Variants in PHKB observed in about 807,000 individuals in gnomAD.
PHKB encodes the protein phosphorylase b kinase regulatory subunit beta.
Under a neutral mutation model 152.1 loss-of-function variants are expected in PHKB, and 122 were observed. The observed-to-expected ratio is 0.80, with a 90% CI of 0.69 to 0.93. PHKB has a LOEUF of 0.93. Ranked by LOEUF, PHKB falls within the 40% of genes least tolerant of loss-of-function variation. The pLI, the probability that PHKB is intolerant of heterozygous loss-of-function variation, is 0.00. For missense variants in PHKB, 1,304 were observed against 1,328.4 expected (o/e 0.98, Z 0.29); for synonymous variants, 436 against 464.9 (o/e 0.94, Z 0.80).
intron 2 of PHKB, 62 bp from the exon 3 acceptor site, chr16:47,499,676 AACCAAAGAAGATTAAAAC>A (rs1970290797): frequency 6.5e-7 from 1 of 1,549,880 alleles, no homozygotes; most frequent in Admixed American, 1.7e-5. Context: ...GGGATGAGGA[AACCAAAGAAGATTAAAAC>A]ATTTAGCCCA....
intron 12 of PHKB, 97 bp downstream of exon 12, chr16:47,594,311 A>G: frequency 2.8e-6 from 2 of 704,854 alleles, no homozygotes; most frequent in Non-Finnish European, 5.1e-6. Context: ...AATAATTTGT[A>G]TTAAATTGAA....
chr16:47,552,341 G>A (rs1358000610), intron 7 of PHKB, among the ~76,000 whole-genome samples: 3 of 152,204 alleles, frequency 2.0e-5, no homozygotes, highest in Admixed American at 6.5e-5. Flanking sequence ...TGTTTTTGCA[G>A]TGGCTGGTAT....
At chr16:47,597,233 T>C (rs1469489650) in intron 13 of PHKB, among the ~76,000 whole-genome samples, 1 of 152,200 alleles carries the variant, frequency 6.6e-6, no homozygotes, top group Non-Finnish European at 1.5e-5. Context: ...CTGTAAATAC[T>C]GTACCTGCAC....
chr16:47,554,477 C>G (rs1971330897), intron 7 of PHKB, among the ~76,000 whole-genome samples: 1 of 152,182 alleles, frequency 6.6e-6, no homozygotes, highest in Admixed American at 6.5e-5. Context: ...ATCTGCTGAG[C>G]TAGACCACTT....
At chr16:47,698,267 C>T (rs534842888) in intron 29 of PHKB, among the ~76,000 whole-genome samples, 181 bp from the exon 30 acceptor site, 6 of 152,124 alleles carry the variant, frequency 3.9e-5, no homozygotes, top group Admixed American at 6.5e-5. Flanking sequence ...AAAAAAGGTG[C>T]ACTTTCCAAA....
intron 8 of PHKB, among the ~76,000 whole-genome samples, chr16:47,585,243 C>T (rs996817790): frequency 6.6e-6 from 1 of 152,068 alleles, no homozygotes; most frequent in African/African-American, 2.4e-5. Flanking sequence ...ATAAAATATC[C>T]AAAGTTAATC....
intron 13 of PHKB, among the ~76,000 whole-genome samples, chr16:47,603,125 G>A (rs1240501214): frequency 1.3e-5 from 2 of 152,116 alleles, no homozygotes; most frequent in Non-Finnish European, 2.9e-5. Flanking sequence ...CATTCATCAA[G>A]TGTCCCCTAG....
chr16:47,516,559 A>G (rs945844015), intron 6 of PHKB, among the ~76,000 whole-genome samples: 1 of 152,168 alleles, frequency 6.6e-6, no homozygotes, highest in African/African-American at 2.4e-5. Context: ...GATGTACTAT[A>G]TATGTTTGTT....
intron 23 of PHKB, 31 bp downstream of exon 23, chr16:47,661,831 A>AG: frequency 7.4e-7 from 1 of 1,350,344 alleles, no homozygotes; most frequent in Non-Finnish European, 1.1e-6. Flanking sequence ...GAACATTTTA[A>AG]GAGGACCTCT....
At chr16:47,608,796 G>T (rs1008012329) in intron 13 of PHKB, among the ~76,000 whole-genome samples, 1 of 152,148 alleles carries the variant, frequency 6.6e-6, no homozygotes, top group Non-Finnish European at 1.5e-5. Context: ...TTTATTTTTG[G>T]ACTCTGTATT....
chr16:47,654,246 A>G (rs908358949), intron 20 of PHKB, among the ~76,000 whole-genome samples: 1 of 152,240 alleles, frequency 6.6e-6, no homozygotes, highest in African/African-American at 2.4e-5. Context: ...TCAAAACCAC[A>G]AAGAGATACC....
intron 1 of PHKB, among the ~76,000 whole-genome samples, chr16:47,469,734 A>G (rs1969730957): frequency 6.6e-6 from 1 of 152,204 alleles, no homozygotes; most frequent in Admixed American, 6.5e-5. Context: ...ACAAACTTGC[A>G]CGTGTACCCC....
chr16:47,541,518 G>A (rs1469074398), intron 6 of PHKB, among the ~76,000 whole-genome samples: 2 of 152,160 alleles, frequency 1.3e-5, no homozygotes, highest in African/African-American at 4.8e-5. Flanking sequence ...ACCCAGTAAT[G>A]GGATGGCTGG....
intron 16 of PHKB, among the ~76,000 whole-genome samples, chr16:47,647,360 G>A (rs1429078145): frequency 1.3e-5 from 2 of 152,138 alleles, no homozygotes; most frequent in African/African-American, 4.8e-5. Context: ...CTGATCTCAG[G>A]TGATCCACCC....
intron 7 of PHKB, among the ~76,000 whole-genome samples, chr16:47,560,782 C>T (rs935385797): frequency 2.6e-5 from 4 of 151,990 alleles, no homozygotes; most frequent in African/African-American, 4.8e-5. Flanking sequence ...AAGACCTATA[C>T]CTATATGTAA....
chr16:47,577,901 G>A (rs574010864), intron 7 of PHKB, among the ~76,000 whole-genome samples: 34 of 152,192 alleles, frequency 2.2e-4, no homozygotes, highest in African/African-American at 7.9e-4. Flanking sequence ...TTGCTAAGTG[G>A]GAATTTTCTG....
intron 20 of PHKB, among the ~76,000 whole-genome samples, chr16:47,658,473 A>G (rs1026927737): frequency 1.3e-5 from 2 of 151,970 alleles, no homozygotes; most frequent in African/African-American, 4.8e-5. Context: ...GTATTAATAT[A>G]TATTATAATA....
At chr16:47,567,761 T>C (rs1567309414) in intron 7 of PHKB, among the ~76,000 whole-genome samples, 1 of 152,234 alleles carries the variant, frequency 6.6e-6, no homozygotes, top group Admixed American at 6.5e-5. Flanking sequence ...GATGCTGGAT[T>C]TTATCGAATG....
At chr16:47,526,348 T>C (rs1970766767) in intron 6 of PHKB, among the ~76,000 whole-genome samples, 1 of 152,008 alleles carries the variant, frequency 6.6e-6, no homozygotes, top group Admixed American at 6.6e-5. Flanking sequence ...AGGCAGAGTT[T>C]GCAGTGAGCC....
Sources: gnomAD v4.1 joint callset for allele counts (sites outside exome capture counted in the v4.1 genomes callset) on GRCh38, gnomAD v4.1.1 for gene constraint, MANE v1.5 for transcripts, NCBI Gene and HGNC (gene_info 2026-07-23, HGNC 2026-07-21) for gene names.